The following RASA3 variants were observed in gnomAD, a reference collection of about 807,000 sequenced individuals.
RASA3 encodes the protein RAS p21 protein activator 3.
In RASA3, 73 loss-of-function variants were observed where a neutral mutation model predicts 110.0. The ratio of observed to expected loss-of-function variants is 0.66; its 90% confidence interval spans 0.55 to 0.81. The LOEUF (loss-of-function observed/expected upper bound fraction) is 0.81, where lower values mean the gene tolerates loss of function less well. Among genes scored for constraint, RASA3 ranks in the 30% least tolerant of loss-of-function variants. The pLI is 0.00. For synonymous variants in RASA3, 500 were observed against 451.4 expected, an observed-to-expected ratio of 1.11 and a Z score of -1.37; for missense variants, 976 against 1,113.2, an observed-to-expected ratio of 0.88 and a Z score of 1.75.
chr13:114,025,403 C>T (rs936257872), intron 7 of RASA3, among the ~76,000 whole-genome samples: 4 of 152,208 alleles, frequency 2.6e-5, no homozygotes, highest in Non-Finnish European at 5.9e-5. Flanking sequence ...TCAGGCAATG[C>T]CTCCTCCAGG....
At chr13:114,009,156 C>T (rs1274155014) in intron 17 of RASA3, among the ~76,000 whole-genome samples, 3 of 152,224 alleles carry the variant, frequency 2.0e-5, no homozygotes, top group South Asian at 2.1e-4. Flanking sequence ...GCGAGGGCCC[C>T]GTTTTGGCCC....
intron 9 of RASA3, among the ~76,000 whole-genome samples, chr13:114,019,205 C>T (rs2053862437): frequency 1.3e-5 from 2 of 152,198 alleles, no homozygotes; most frequent in African/African-American, 2.4e-5. Context: ...CGGGAACCGG[C>T]ACAGAAGTGG....
At chr13:113,992,112 A>T (rs561997985) in intron 22 of RASA3, among the ~76,000 whole-genome samples, 3 of 152,332 alleles carry the variant, frequency 2.0e-5, no homozygotes, top group Admixed American at 6.5e-5. Context: ...ACACATATGC[A>T]CACATCTCAT....
intron 1 of RASA3, among the ~76,000 whole-genome samples, chr13:114,129,048 C>T (rs2139807286): frequency 6.6e-6 from 1 of 152,342 alleles, no homozygotes; most frequent in South Asian, 2.1e-4. Flanking sequence ...AAACGGAAGA[C>T]ATCACTGCGA....
intron 21 of RASA3, among the ~76,000 whole-genome samples, chr13:113,995,626 CCTGACAGGGGGCCCAG>C (rs540909214): frequency 0.019 from 2,508 of 131,834 alleles, 83 homozygotes; most frequent in East Asian, 0.053. Context: ...TGATGGGGGG[CCTGACAGGGGGCCCAG>C]CTGACGGGGG....
At chr13:114,018,954 G>C (rs768072520) in intron 9 of RASA3, 35 bp from the exon 10 acceptor site, 1 of 1,611,366 alleles carries the variant, frequency 6.2e-7, no homozygotes, top group Non-Finnish European at 8.5e-7. Flanking sequence ...GGAGGCATGA[G>C]GCTGCATCTG....
At chr13:114,116,110 C>A (rs1031310516) in intron 1 of RASA3, among the ~76,000 whole-genome samples, 2 of 152,214 alleles carry the variant, frequency 1.3e-5, no homozygotes, top group Non-Finnish European at 2.9e-5. Context: ...TGGGCCTGTG[C>A]CCTCTCGGCC....
At chr13:114,003,999 T>C (rs1473368001) in intron 18 of RASA3, among the ~76,000 whole-genome samples, 1 of 152,240 alleles carries the variant, frequency 6.6e-6, no homozygotes, top group Non-Finnish European at 1.5e-5. Context: ...TAAATGCTAA[T>C]TTTTCCTTAT....
In RASA3 at chr13:114,098,376, G is replaced by C. The variant is rs573043655; in HGVS notation, c.56-24539C>G. Among the ~76,000 whole-genome samples, 456 of 152,284 alleles carry C rather than the reference G, an allele frequency of 3.0e-3. 3 individuals carry two copies. Among genetic ancestry groups the C allele is most frequent in the Admixed American group, 4.6e-3 (70 of 15,302 alleles). ...AAGGATCCCAGGGTCTGCGTGCCCA[G>C]CCAGGCCTCACACCAGCGACATCCA... On this transcript the variant is annotated intron_variant, in intron 1 of 23. Coordinates refer to ENST00000334062, the MANE Select transcript of RASA3 (RefSeq NM_007368.4).
chr13:114,051,156 C>A (rs1195988279), intron 3 of RASA3, among the ~76,000 whole-genome samples: 1 of 152,200 alleles, frequency 6.6e-6, no homozygotes, highest in Non-Finnish European at 1.5e-5. Context: ...GGGGGTCCCC[C>A]TGGGGGACTC....
At chr13:113,998,406 CA>C (rs2053305672) in intron 20 of RASA3, among the ~76,000 whole-genome samples, 3 of 152,202 alleles carry the variant, frequency 2.0e-5, no homozygotes, top group African/African-American at 7.2e-5. Context: ...AAAATTCTGC[CA>C]ATGGTAAGGA....
rs575069921 is a variant in RASA3, at chr13:113,997,950, G to C, written c.1933-1211C>G. Among the ~76,000 whole-genome samples the C allele has an allele frequency of 4.0e-4, 61 of 152,318 alleles. 1 individual carries two copies. The highest frequency in any genetic ancestry group is 6.8e-3 in the Middle Eastern group (2 of 294). ...CCGTGCATGGCTGTGATCCCCCATG[G>C]AGGGCGTCCTGGCCATCATCCCAGG... is the stretch of plus-strand genomic sequence containing the variant. On this transcript the variant is annotated intron_variant, in intron 20 of 23. Coordinates refer to ENST00000334062, the MANE Select transcript of RASA3 (RefSeq NM_007368.4).
At chr13:113,980,372 C>T (rs1007231685) in intron 23 of RASA3, among the ~76,000 whole-genome samples, 2 of 142,766 alleles carry the variant, frequency 1.4e-5, no homozygotes, top group East Asian at 2.1e-4. Context: ...GCGCCTCCTC[C>T]GTGTGTGTGC....
chr13:114,039,104 C>G (rs990257188), intron 4 of RASA3, among the ~76,000 whole-genome samples: 1 of 152,244 alleles, frequency 6.6e-6, no homozygotes, highest in South Asian at 2.1e-4. Context: ...GATGAGGGAG[C>G]TGGCTCCGAG....
At chr13:114,005,140 G>A (rs1233908590) in intron 18 of RASA3, among the ~76,000 whole-genome samples, 1 of 152,166 alleles carries the variant, frequency 6.6e-6, no homozygotes, top group Non-Finnish European at 1.5e-5. Flanking sequence ...AGGTGGGAGC[G>A]GGAGAGGAAT....
intron 1 of RASA3, among the ~76,000 whole-genome samples, chr13:114,131,147 C>T (rs2080512743): frequency 6.6e-6 from 1 of 152,216 alleles, no homozygotes; most frequent in Admixed American, 6.5e-5. Flanking sequence ...AGCGATGATC[C>T]GCAAACCAAA....
At chr13:114,047,287 G>A (rs1337691910) in intron 3 of RASA3, among the ~76,000 whole-genome samples, 1 of 152,176 alleles carries the variant, frequency 6.6e-6, no homozygotes, top group African/African-American at 2.4e-5. Flanking sequence ...CTGTCACTAA[G>A]CCCAAGAAAA....
chr13:114,044,778 C>A (rs61973890), intron 3 of RASA3, among the ~76,000 whole-genome samples: 20,711 of 151,730 alleles, frequency 0.14, 1,788 homozygotes, highest in Middle Eastern at 0.21. Context: ...TCCAAGACGC[C>A]TTCAGCTGGA....
chr13:114,072,559 T>C (rs899951409), intron 2 of RASA3, among the ~76,000 whole-genome samples: 4 of 152,246 alleles, frequency 2.6e-5, no homozygotes, highest in Non-Finnish European at 5.9e-5. Context: ...TTGTACTCTT[T>C]TGTGGAGTGC....
Sources: allele counts gnomAD v4.1 joint callset (sites outside exome capture counted in the v4.1 genomes callset), GRCh38; gene constraint gnomAD v4.1.1; transcripts MANE v1.5; gene names NCBI Gene and HGNC (gene_info 2026-07-23, HGNC 2026-07-21).